Variants in CHRM3 observed in about 807,000 individuals in gnomAD.
CHRM3 encodes cholinergic receptor muscarinic 3, also known as muscarinic acetylcholine receptor M3.
Under a neutral mutation model 41.8 loss-of-function variants are expected in CHRM3, and 11 were observed. The observed-to-expected ratio is 0.26, with a 90% CI of 0.17 to 0.44. The LOEUF (loss-of-function observed/expected upper bound fraction) is 0.44. Ranked by LOEUF, CHRM3 falls within the 20% of genes least tolerant of loss-of-function variation. CHRM3 has a pLI of 1.00. For missense variants in CHRM3, 571 were observed against 745.4 expected, an observed-to-expected ratio of 0.77 and a Z score of 2.72; for synonymous variants, 297 against 301.4, an observed-to-expected ratio of 0.99 and a Z score of 0.15.
chr1:239,444,407 A>G (rs895723083), intron 1 of CHRM3, among the ~76,000 whole-genome samples: 2 of 152,200 alleles, frequency 1.3e-5, no homozygotes, highest in African/African-American at 2.4e-5. Context: ...TGTAATAAAA[A>G]GAATGTTTTG....
chr1:239,831,847 G>A (rs1289578394), intron 6 of CHRM3, among the ~76,000 whole-genome samples: 1 of 152,164 alleles, frequency 6.6e-6, no homozygotes, highest in Non-Finnish European at 1.5e-5. Context: ...ATATCTGAGT[G>A]TTTTATCAGG....
At chr1:239,785,802 G>C (rs1463323919) in intron 5 of CHRM3, among the ~76,000 whole-genome samples, 1 of 151,952 alleles carries the variant, frequency 6.6e-6, no homozygotes, top group Non-Finnish European at 1.5e-5. Flanking sequence ...AATAGACTTT[G>C]GTTTTTGTTT....
chr1:239,893,218 T>A (rs951424735), intron 6 of CHRM3, among the ~76,000 whole-genome samples: 1 of 152,188 alleles, frequency 6.6e-6, no homozygotes, highest in Admixed American at 6.5e-5. Context: ...GCATATGTCA[T>A]TTTGCAAAAG....
intron 5 of CHRM3, among the ~76,000 whole-genome samples, chr1:239,808,171 C>A (rs527438375): frequency 6.6e-6 from 1 of 152,064 alleles, no homozygotes; most frequent in African/African-American, 2.4e-5. Context: ...CATGGGAGTT[C>A]GAGGAAGACA....
At chr1:239,611,698 C>A (rs934245530) in intron 3 of CHRM3, among the ~76,000 whole-genome samples, 1 of 152,202 alleles carries the variant, frequency 6.6e-6, no homozygotes, top group East Asian at 1.9e-4. Flanking sequence ...GGATTACAGG[C>A]ATGAGCCACC....
chr1:239,509,525 C>G (rs1371068118), intron 2 of CHRM3, among the ~76,000 whole-genome samples: 1 of 152,096 alleles, frequency 6.6e-6, no homozygotes, highest in Non-Finnish European at 1.5e-5. Flanking sequence ...TAACCCCAGC[C>G]AAGAAGCTCA....
chr1:239,895,555 GAATC>G (rs143851622), intron 6 of CHRM3, among the ~76,000 whole-genome samples: 33,806 of 150,224 alleles, frequency 0.23, 5,999 homozygotes, highest in African/African-American at 0.5. Flanking sequence ...CAAAGACATG[GAATC>G]AATCAACCTA....
chr1:239,602,389 C>T (rs1310812046), intron 3 of CHRM3, among the ~76,000 whole-genome samples: 2 of 152,034 alleles, frequency 1.3e-5, no homozygotes, highest in African/African-American at 2.4e-5. Flanking sequence ...GTTGAATTCA[C>T]ATGAGATTTT....
chr1:239,421,817 G>A lies in CHRM3; in HGVS notation c.-521+34590G>A, dbSNP rs116078717. Among the ~76,000 whole-genome samples the A allele has an allele frequency of 6.7e-3, 1,023 of 151,596 alleles. 7 individuals carry two copies. The highest frequency in any genetic ancestry group is 0.023 in the African/African-American group (931 of 41,342). ...GCTAGTTTTACAGTCTTTACTCCTCGTTGCCAAACCACACCATACTGATGC... is the reference window on the plus strand; with the variant it reads ...GCTAGTTTTACAGTCTTTACTCCTCATTGCCAAACCACACCATACTGATGC... On this transcript the variant is annotated intron_variant, in intron 1 of 6. Transcript: ENST00000676153.
intron 5 of CHRM3, among the ~76,000 whole-genome samples, chr1:239,800,359 G>A (rs182040634): frequency 3.0e-4 from 45 of 152,276 alleles, no homozygotes; most frequent in East Asian, 2.3e-3. Flanking sequence ...TTAAGATATC[G>A]TCATCATCTC....
Position 239,391,353 on chromosome 1 carries a change from C to T in CHRM3, c.-521+4126C>T, listed in dbSNP as rs74605949. The stretch of plus-strand genomic sequence containing the variant: ...TTTGAACAAACTCTGAAATGCAGTG[C>T]TTGATTGGAACCCAGAGCCCCCTCA... On this transcript the variant is annotated intron_variant, in intron 1 of 6. Coordinates refer to ENST00000676153, the MANE Select transcript of CHRM3 (RefSeq NM_001375978.1). 4.9e-4 allele frequency among the ~76,000 whole-genome samples: 75 copies of T among 152,250 alleles called. No homozygotes were observed. The East Asian group carries it at 0.014, about 29-fold the overall frequency.
At chr1:239,729,154 A>T (rs1663723709) in intron 5 of CHRM3, among the ~76,000 whole-genome samples, 1 of 151,980 alleles carries the variant, frequency 6.6e-6, no homozygotes, top group African/African-American at 2.4e-5. Context: ...CCATTATGTT[A>T]TTCACTACCC....
At chr1:239,796,752 A>G (rs1572325930) in intron 5 of CHRM3, among the ~76,000 whole-genome samples, 1 of 152,106 alleles carries the variant, frequency 6.6e-6, no homozygotes, top group East Asian at 1.9e-4. Context: ...ACATGGATAT[A>G]TTGCATGGTG....
intron 4 of CHRM3, among the ~76,000 whole-genome samples, chr1:239,660,024 C>T (rs1001002110): frequency 1.3e-5 from 2 of 152,164 alleles, no homozygotes; most frequent in Admixed American, 6.5e-5. Flanking sequence ...GCAGTGGTAT[C>T]GTTATAGCTC....
At chr1:239,659,593 G>A (rs936602354) in intron 4 of CHRM3, among the ~76,000 whole-genome samples, 3 of 152,232 alleles carry the variant, frequency 2.0e-5, no homozygotes, top group African/African-American at 7.2e-5. Flanking sequence ...GGCACTTGAA[G>A]AAGAGAAATT....
In CHRM3 at chr1:239,794,448, A is replaced by G. The variant is rs541807142; in HGVS notation, c.-146-32804A>G. ...ACCTATTATTTGGGTTAGATGATTT[A>G]CTGTATATCATTGTATAACTCAAAT... On this transcript the variant is annotated intron_variant, in intron 5 of 6. Coordinates refer to ENST00000676153, the MANE Select transcript of CHRM3 (RefSeq NM_001375978.1). Among the ~76,000 whole-genome samples the G allele has an allele frequency of 1.3e-3, 155 of 118,940 alleles. 1 individual carries two copies. The highest frequency in any genetic ancestry group is 4.8e-3 in the African/African-American group (152 of 31,602). The allele number at this position is 118,940 out of a possible 152,430, so 78.0% of individuals were successfully genotyped here. A position where few individuals can be genotyped will look rare whatever the true frequency, so the allele number is the denominator to read the frequency against.
chr1:239,645,533 A>G (rs1671671161), intron 4 of CHRM3, among the ~76,000 whole-genome samples: 1 of 152,246 alleles, frequency 6.6e-6, no homozygotes. Flanking sequence ...CAAATCAGGA[A>G]CAAAAAATGA....
chr1:239,901,439 A>G (rs2103015710), intron 6 of CHRM3, among the ~76,000 whole-genome samples: 1 of 152,176 alleles, frequency 6.6e-6, no homozygotes, highest in Admixed American at 6.5e-5. Context: ...ACCACTGCTA[A>G]TATATGATTT....
chr1:239,851,042 C>G (rs1674658518), intron 6 of CHRM3, among the ~76,000 whole-genome samples: 1 of 151,924 alleles, frequency 6.6e-6, no homozygotes, highest in Non-Finnish European at 1.5e-5. Flanking sequence ...GACAGTGAAG[C>G]TACAGAAAAA....
Sources: gnomAD v4.1 joint callset for allele counts (sites outside exome capture counted in the v4.1 genomes callset) on GRCh38, gnomAD v4.1.1 for gene constraint, MANE v1.5 for transcripts, NCBI Gene and HGNC (gene_info 2026-07-23, HGNC 2026-07-21) for gene names.